SDCBP: variants seen among roughly 807,000 people sequenced by gnomAD.
SDCBP encodes the protein syntenin-1.
Under a neutral mutation model 30.5 loss-of-function variants are expected in SDCBP, and 22 were observed. That is an observed-to-expected ratio of 0.72 (90% CI 0.52 to 1.03). The LOEUF is 1.03. Among genes scored for constraint, SDCBP ranks in the 50% least tolerant of loss-of-function variants. SDCBP has a pLI of 0.00. For missense variants in SDCBP, 304 were observed against 369.9 expected (o/e 0.82, Z 1.46); for synonymous variants, 103 against 118.7 (o/e 0.87, Z 0.86).
intron 2 of SDCBP, 166 bp from the exon 3 acceptor site, chr8:58,570,721 A>T: frequency 1.8e-6 from 1 of 549,190 alleles, no homozygotes; most frequent in Non-Finnish European, 3.2e-6. Flanking sequence ...TGATTTGCAG[A>T]TTTCCTTTGG....
Position 58,581,761 on chromosome 8 carries a change from T to C in SDCBP, c.*21T>C. ...TTTAAAATTCACGGCACCATGGAAA[T>C]GTAGCTGAACGTCTCCAGTTTCCTT... On this transcript the variant is annotated 3_prime_UTR_variant, in exon 9 of 9. Transcript: ENST00000260130. 1 of 1,606,564 alleles carries C rather than the reference T, an allele frequency of 6.2e-7. No individual in the cohort carries two copies. Among genetic ancestry groups the C allele is most frequent in the Non-Finnish European group, 8.5e-7 (1 of 1,174,734 alleles).
intron 1 of SDCBP, among the ~76,000 whole-genome samples, chr8:58,553,527 G>A (rs1018008757): frequency 1.3e-5 from 2 of 151,668 alleles, no homozygotes; most frequent in African/African-American, 2.4e-5. Flanking sequence ...TCTTCCTGCC[G>A]CGACCCCGCG....
At chr8:58,566,475 A>C (rs1804712051) in intron 2 of SDCBP, among the ~76,000 whole-genome samples, 1 of 152,218 alleles carries the variant, frequency 6.6e-6, no homozygotes, top group Non-Finnish European at 1.5e-5. Context: ...AGAGGGCTAC[A>C]ATCTGTATCA....
At chr8:58,570,268 G>A (rs1437020830) in intron 2 of SDCBP, among the ~76,000 whole-genome samples, 2 of 152,282 alleles carry the variant, frequency 1.3e-5, no homozygotes, top group South Asian at 2.1e-4. Flanking sequence ...GTGTGTCAGA[G>A]TGATTTTGGC....
chr8:58,573,473 G>C (rs534188080), intron 4 of SDCBP, among the ~76,000 whole-genome samples: 1 of 152,290 alleles, frequency 6.6e-6, no homozygotes, highest in Non-Finnish European at 1.5e-5. Flanking sequence ...CCTAGGACTG[G>C]GATAACACAG....
chr8:58,567,735 G>T (rs532025578), intron 2 of SDCBP, among the ~76,000 whole-genome samples: 3 of 152,146 alleles, frequency 2.0e-5, no homozygotes, highest in Non-Finnish European at 4.4e-5. Context: ...AGGCAGTATG[G>T]TATAGTCTGT....
intron 4 of SDCBP, 26 bp from the exon 5 acceptor site, chr8:58,575,874 T>C (rs776293649): frequency 1.3e-6 from 2 of 1,567,254 alleles, no homozygotes; most frequent in Non-Finnish European, 1.7e-6. Flanking sequence ...TTCTAGATAT[T>C]GACACATTGT....
chr8:58,577,624 T>C (rs1235562059), intron 5 of SDCBP, among the ~76,000 whole-genome samples: 2 of 152,222 alleles, frequency 1.3e-5, no homozygotes, highest in African/African-American at 2.4e-5. Flanking sequence ...CTTTCTAACA[T>C]GTGACTCGCT....
At chr8:58,577,244 T>A (rs932433800) in intron 5 of SDCBP, among the ~76,000 whole-genome samples, 13 of 152,258 alleles carry the variant, frequency 8.5e-5, no homozygotes, top group Admixed American at 7.2e-4. Context: ...AGATGTGTGA[T>A]AGAAATATGT....
Position 58,581,898 on chromosome 8 carries a change from G to GATACCTTGTTC in SDCBP, c.*160_*170dup. ...GGCTGGGAATCTTACTCTTTCATCT[G>GATACCTTGTTC]ATACCTTGTTCAGATTTCAAAATAG... is the stretch of plus-strand genomic sequence containing the variant. On this transcript the variant is annotated 3_prime_UTR_variant, in exon 9 of 9. Coordinates refer to ENST00000260130, the MANE Select transcript of SDCBP (RefSeq NM_005625.4). 1.6e-6 allele frequency: 1 copy of GATACCTTGTTC among 619,318 alleles called. No homozygotes were observed. Among genetic ancestry groups the GATACCTTGTTC allele is most frequent in the Non-Finnish European group, 2.9e-6 (1 of 347,662 alleles). The allele number at this position is 619,318 out of a possible 1,614,324, so 38.4% of individuals were successfully genotyped here. A position where few individuals can be genotyped will look rare whatever the true frequency, so the allele number is the denominator to read the frequency against.
chr8:58,572,227 A>C lies in SDCBP; in HGVS notation c.153A>C (p.Pro51=). 1.2e-6 allele frequency: 2 copies of C among 1,607,994 alleles called. No individual in the cohort carries two copies. The highest frequency in any genetic ancestry group is 1.7e-6 in the Non-Finnish European group (2 of 1,176,084). Residue 51 remains proline (P), a synonymous_variant, in exon 4 of 9, where the codon CCA becomes CCC. Coordinates refer to ENST00000260130, the MANE Select transcript of SDCBP (RefSeq NM_005625.4). ...HDGNLYPRLY[P]ELSQYMGLSL... ...TAGATCTCTATCCCAGACTGTATCC[A>C]GAGCTCTCTCAATACATGGGGCTGA...
chr8:58,560,800 G>A (rs1381815709), intron 1 of SDCBP: 2 of 152,196 alleles, frequency 1.3e-5, no homozygotes, highest in Admixed American at 1.3e-4. Flanking sequence ...CAAAGACTGG[G>A]AGGGGTGATA....
At chr8:58,570,783 T>G in intron 2 of SDCBP, 104 bp from the exon 3 acceptor site, 4 of 714,754 alleles carry the variant, frequency 5.6e-6, no homozygotes, top group Non-Finnish European at 9.4e-6. Context: ...TAAATCTTCA[T>G]TGTTTTAGTT....
At chr8:58,564,950 G>C (rs1804623529) in intron 1 of SDCBP, 69 bp from the exon 2 acceptor site, 4 of 764,686 alleles carry the variant, frequency 5.2e-6, no homozygotes, top group Admixed American at 2.7e-5. Context: ...TTATGTGTCT[G>C]TGGTTAGCTG....
At chr8:58,576,963 T>C (rs1187413820) in intron 5 of SDCBP, among the ~76,000 whole-genome samples, 2 of 152,226 alleles carry the variant, frequency 1.3e-5, no homozygotes, top group Non-Finnish European at 2.9e-5. Flanking sequence ...CTCACTTGTA[T>C]GTCACTCAAA....
intron 1 of SDCBP, among the ~76,000 whole-genome samples, chr8:58,557,524 CT>C (rs1320566603): frequency 1.4e-5 from 2 of 138,430 alleles, no homozygotes; most frequent in Admixed American, 1.7e-4. Context: ...TATATATAGC[CT>C]TTTGGTGTTC....
At chr8:58,565,131 A>G (rs769883713) in intron 2 of SDCBP, 47 bp downstream of exon 2, 2 of 972,170 alleles carry the variant, frequency 2.1e-6, no homozygotes, top group Admixed American at 2.3e-5. Context: ...AGTAACATGC[A>G]TTCTACTTAT....
Position 58,578,082 on chromosome 8 carries a change from G to C in SDCBP, c.452G>C (p.Gly151Ala). ...VQANSPASLVGLRFGDQVLQI... is the reference protein window; with the variant it reads ...VQANSPASLVALRFGDQVLQI... The stretch of plus-strand genomic sequence containing the variant: ...GCTAATTCTCCAGCCTCATTGGTTG[G>C]TCTGAGATTTGGGGACCAAGTACTT... Residue 151 changes from glycine to alanine, a missense_variant, in exon 6 of 9, where the codon GGT (glycine) becomes GCT (alanine). Transcript: ENST00000260130. The C allele has an allele frequency of 6.2e-7, 1 of 1,613,812 alleles. No homozygotes were observed. The highest frequency in any genetic ancestry group is 8.5e-7 in the Non-Finnish European group (1 of 1,179,794).
intron 4 of SDCBP, 71 bp downstream of exon 4, chr8:58,572,385 T>C: frequency 9.8e-7 from 1 of 1,020,256 alleles, no homozygotes; most frequent in Non-Finnish European, 1.5e-6. Context: ...CTTTCCTCTT[T>C]GTGGCTAACT....
Sources: allele counts gnomAD v4.1 joint callset (sites outside exome capture counted in the v4.1 genomes callset), GRCh38; gene constraint gnomAD v4.1.1; transcripts MANE v1.5; gene names NCBI Gene and HGNC (gene_info 2026-07-23, HGNC 2026-07-21).